SMARCA2: variants seen among roughly 807,000 people sequenced by gnomAD.
SMARCA2 encodes SWI/SNF related BAF chromatin remodeling complex subunit ATPase 2.
SMARCA2 carries 61 observed loss-of-function variants against 199.8 expected under a neutral mutation model. The ratio of observed to expected loss-of-function variants is 0.31; its 90% CI spans 0.25 to 0.38. The LOEUF (loss-of-function observed/expected upper bound fraction) is 0.38, where lower values mean the gene tolerates loss of function less well. Among genes scored for constraint, SMARCA2 ranks in the 10% least tolerant of loss-of-function variants. The probability of loss-of-function intolerance (pLI) is 1.00; values close to 1 mark genes in which losing one functional copy is unlikely to be tolerated. For missense variants in SMARCA2, 1,344 were observed against 2,012.2 expected, an observed-to-expected ratio of 0.67 and a Z score of 6.35; for synonymous variants, 935 against 732.0, an observed-to-expected ratio of 1.28 and a Z score of -4.48.
In SMARCA2 at chr9:2,056,646, C is replaced by T. The variant is rs1020890120; in HGVS notation, c.1174-26C>T. 1 of 1,599,458 alleles carries T rather than the reference C, an allele frequency of 6.3e-7. No homozygotes were observed. The highest frequency in any genetic ancestry group is 8.5e-7 in the Non-Finnish European group (1 of 1,173,780). On this transcript the variant is annotated intron_variant, in intron 6 of 33. Coordinates refer to ENST00000349721, the MANE Select transcript of SMARCA2 (RefSeq NM_003070.5). This position sits in a 1 kb window ranked among gnomAD's most constrained non-coding sequence, Gnocchi z 4.0. ...GGAACCTAGCTTCTGTTAGGGAAGG[C>T]TGTCTAACTGCTCTCTTCTTGACAG...
chr9:2,108,884 C>T (rs760376764), intron 23 of SMARCA2, among the ~76,000 whole-genome samples: 9 of 152,154 alleles, frequency 5.9e-5, no homozygotes, highest in Non-Finnish European at 1.3e-4. Flanking sequence ...CGGACCTCAC[C>T]AGTTCACTAA....
chr9:2,103,831 G>A (rs1822637399), intron 22 of SMARCA2, among the ~76,000 whole-genome samples, 172 bp from the exon 23 acceptor site: 1 of 151,930 alleles, frequency 6.6e-6, no homozygotes, highest in Non-Finnish European at 1.5e-5. Context: ...TTCCTTTTCT[G>A]CTAAATATTC....
chr9:2,056,654 C>G lies in SMARCA2; in HGVS notation c.1174-18C>G. 8.1e-6 allele frequency: 13 copies of G among 1,605,212 alleles called. No individual in the cohort carries two copies. Among genetic ancestry groups the G allele is most frequent in the Non-Finnish European group, 1.1e-5 (13 of 1,176,400 alleles). ...GCTTCTGTTAGGGAAGGCTGTCTAA[C>G]TGCTCTCTTCTTGACAGCTGAGACA... On this transcript the variant is annotated intron_variant, in intron 6 of 33. Coordinates refer to ENST00000349721, the MANE Select transcript of SMARCA2 (RefSeq NM_003070.5). The surrounding 1 kb of genome is among the most constrained non-coding windows in gnomAD (Gnocchi z 4.0).
At chr9:2,177,162 C>G (rs1050039360) in intron 29 of SMARCA2, among the ~76,000 whole-genome samples, 1 of 152,148 alleles carries the variant, frequency 6.6e-6, no homozygotes, top group African/African-American at 2.4e-5. Flanking sequence ...GAACCTGAAC[C>G]TGAAAAGAAG....
intron 17 of SMARCA2, among the ~76,000 whole-genome samples, chr9:2,085,565 A>C (rs1489905113): frequency 6.6e-6 from 1 of 152,138 alleles, no homozygotes; most frequent in Non-Finnish European, 1.5e-5. Context: ...GCTGTTGGTA[A>C]GTCTGAGGCA....
intron 5 of SMARCA2, 33 bp from the exon 6 acceptor site, chr9:2,054,564 G>A: frequency 6.3e-7 from 1 of 1,597,208 alleles, no homozygotes; most frequent in Non-Finnish European, 8.5e-7. Flanking sequence ...TTTTTCCCCT[G>A]CCCCCTTTTC....
rs572256579 is a variant in SMARCA2 at position 2,193,059 on chromosome 9, C to T, written c.*320C>T. ...CTAATTTGGTAACGGTTTGATTGTG[C>T]CTGGTTTTATCACCTGTTCAGATGA... On this transcript the variant is annotated 3_prime_UTR_variant, in exon 34 of 34. Coordinates refer to ENST00000349721, the MANE Select transcript of SMARCA2 (RefSeq NM_003070.5). 9 of 262,172 alleles carry T rather than the reference C, an allele frequency of 3.4e-5. No individual in the cohort carries two copies. In the East Asian group the frequency reaches 6.9e-4, roughly 20 times the overall value. 16.2% of individuals were successfully genotyped at this position (262,172 alleles called of 1,614,324 possible). A position where few individuals can be genotyped will look rare whatever the true frequency, so the allele number is the denominator to read the frequency against.
At chr9:2,040,198 T>C in intron 4 of SMARCA2, 5 of 589,802 alleles carry the variant, frequency 8.5e-6, no homozygotes, top group Non-Finnish European at 1.5e-5. Context: ...TGGAAGCCCA[T>C]CCACACACAC....
intron 27 of SMARCA2, among the ~76,000 whole-genome samples, chr9:2,148,324 A>T (rs1441906436): frequency 6.6e-6 from 1 of 151,662 alleles, no homozygotes; most frequent in South Asian, 2.1e-4. Flanking sequence ...AGAGTGGCCT[A>T]GACAAGGAAG....
At chr9:2,176,275 C>G (rs1249958250) in intron 29 of SMARCA2, among the ~76,000 whole-genome samples, 1 of 133,394 alleles carries the variant, frequency 7.5e-6, no homozygotes, top group African/African-American at 2.7e-5. Flanking sequence ...ATTACTTGTT[C>G]TTTCCACAAC....
intron 15 of SMARCA2, 76 bp downstream of exon 15, chr9:2,082,071 T>C: frequency 8.1e-7 from 1 of 1,239,180 alleles, no homozygotes; most frequent in Non-Finnish European, 1.1e-6. Context: ...GTCCTTGTTT[T>C]TTACTTAAGA....
Position 2,081,398 on chromosome 9 carries a change from G to A in SMARCA2, c.2185-434G>A, listed in dbSNP as rs1821561522. On this transcript the variant is annotated intron_variant, in intron 14 of 33. Coordinates refer to ENST00000349721, the MANE Select transcript of SMARCA2 (RefSeq NM_003070.5). ...GTGTCCCTGGCTCCCTGGTCAGTCC[G>A]CCTTTTCACTGAGGGGACCTCACCC... 2.0e-5 allele frequency among the ~76,000 whole-genome samples: 3 copies of A among 152,134 alleles called. No homozygotes were observed. In the South Asian group the frequency reaches 6.2e-4, roughly 32 times the overall value.
chr9:2,047,422 C>T lies in SMARCA2; in HGVS notation c.984C>T (p.Ile328=). The T allele has an allele frequency of 6.3e-7, 1 of 1,587,328 alleles. No homozygotes were observed. The highest frequency in any genetic ancestry group is 8.6e-7 in the Non-Finnish European group (1 of 1,168,300). ...AGCTGCAGCAGAAGCAGAGCCGCAT[C>T]AGCCCCATCCAGAAACCGCAAGGCC... The part of the protein sequence containing the change: ...VLQLQQKQSR[I]SPIQKPQGLD... The change falls in exon 5 of 34, where the codon ATC becomes ATT. Residue 328 remains isoleucine (I), a synonymous_variant. Transcript: ENST00000349721.
rs1383115065 is a variant in SMARCA2 at position 2,149,776 on chromosome 9, T to G, written c.3982-11910T>G. Among the ~76,000 whole-genome samples the G allele has an allele frequency of 1.3e-5, 2 of 151,636 alleles. 1 individual carries two copies. Among genetic ancestry groups the G allele is most frequent in the Non-Finnish European group, 3.0e-5 (2 of 67,752 alleles). On this transcript the variant is annotated intron_variant, in intron 27 of 33. Coordinates refer to ENST00000349721, the MANE Select transcript of SMARCA2 (RefSeq NM_003070.5). ...GCGCTTTAGAGATTCATTTTAAAGT[T>G]TATTGGATAGCAAATTGTCTTTGCC...
chr9:2,024,594 C>T (rs1427618119), intron 1 of SMARCA2, among the ~76,000 whole-genome samples: 3 of 152,178 alleles, frequency 2.0e-5, no homozygotes, highest in African/African-American at 7.2e-5. Context: ...AATATATTAT[C>T]ACAACCAAAG....
Position 2,187,585 on chromosome 9 carries a change from G to A in SMARCA2, c.4594+1357G>A, listed in dbSNP as rs562689261. Among the ~76,000 whole-genome samples, 51 of 152,158 alleles carry A rather than the reference G, an allele frequency of 3.4e-4. No individual in the cohort carries two copies. The South Asian group carries it at 0.011, about 32-fold the overall frequency. ...CCCAGCTACTCAGGAAGCTGAGGCA[G>A]GAGGATTGCTTAGTCTAGGTGTTCA... On this transcript the variant is annotated intron_variant, in intron 32 of 33. Transcript: ENST00000349721.
chr9:2,073,733 G>C, intron 12 of SMARCA2, 110 bp downstream of exon 12: 1 of 795,584 alleles, frequency 1.3e-6, no homozygotes, highest in South Asian at 1.6e-5. Flanking sequence ...TCTTCCTCCA[G>C]GATTGGCCTT....
intron 27 of SMARCA2, chr9:2,160,133 C>A: frequency 1.8e-6 from 1 of 553,380 alleles, no homozygotes; most frequent in Non-Finnish European, 3.1e-6. Flanking sequence ...TCTTAATCTT[C>A]GCTTAGCTGC....
chr9:2,190,967 TCCTTGGTCAG>T (rs1242807257), intron 32 of SMARCA2, among the ~76,000 whole-genome samples: 1 of 152,218 alleles, frequency 6.6e-6, no homozygotes, highest in African/African-American at 2.4e-5. Context: ...CCCCTCATTA[TCCTTGGTCAG>T]CCATTGGGAG....
Sources: gnomAD v4.1 joint callset for allele counts (sites outside exome capture counted in the v4.1 genomes callset) on GRCh38, gnomAD v4.1.1 for gene constraint, Gnocchi (gnomAD v3.1) non-coding constraint, MANE v1.5 for transcripts, NCBI Gene and HGNC (gene_info 2026-07-23, HGNC 2026-07-21) for gene names.